The following GABRA2 variants were observed in gnomAD, a reference collection of about 807,000 sequenced individuals.
GABRA2 encodes gamma-aminobutyric acid receptor subunit alpha-2.
GABRA2 carries 16 observed loss-of-function variants against 48.7 expected under a neutral mutation model. The observed-to-expected ratio is 0.33, with a 90% CI of 0.22 to 0.50. The LOEUF is 0.50. Among genes scored for constraint, GABRA2 ranks in the 20% least tolerant of loss-of-function variants. The pLI, the probability that GABRA2 is intolerant of heterozygous loss-of-function variation, is 0.98. For missense variants in GABRA2, 275 were observed against 535.6 expected (o/e 0.51, Z 4.80); for synonymous variants, 185 against 184.5 (o/e 1.00, Z -0.02).
chr4:46,264,035 T>C (rs541773407), intron 8 of GABRA2, among the ~76,000 whole-genome samples: 1 of 152,080 alleles, frequency 6.6e-6, no homozygotes, highest in African/African-American at 2.4e-5. Flanking sequence ...GTATAAGTCT[T>C]TCATCTCCTT....
At chr4:46,326,729 T>C (rs1730446703) in intron 4 of GABRA2, among the ~76,000 whole-genome samples, 1 of 151,926 alleles carries the variant, frequency 6.6e-6, no homozygotes, top group South Asian at 2.1e-4. Context: ...CAACCACCAT[T>C]AGATGGCCCC....
rs202075718 is a variant in GABRA2 at position 46,389,741 on chromosome 4, C to A, written c.-17G>T. Reference sequence around the variant, plus strand: ...CCAACGTGTGCGACCCTACCTGAAACGGCAAGCAGAATTCGGTGTTTTCTT... The same window carrying A: ...CCAACGTGTGCGACCCTACCTGAAAAGGCAAGCAGAATTCGGTGTTTTCTT... On this transcript the variant is annotated 5_prime_UTR_variant, in exon 1 of 10. Transcript: ENST00000381620. The A allele has an allele frequency of 1.7e-5, 17 of 977,026 alleles. No homozygotes were observed. The highest frequency in any genetic ancestry group is 1.2e-4 in the East Asian group (1 of 8,202). 60.5% of individuals were successfully genotyped at this position (977,026 alleles called of 1,614,324 possible).
intron 3 of GABRA2, among the ~76,000 whole-genome samples, chr4:46,337,946 T>C (rs1021182128): frequency 2.0e-5 from 3 of 152,010 alleles, no homozygotes; most frequent in South Asian, 2.1e-4. Context: ...CTGGATAATA[T>C]AACACACAAT....
At chr4:46,353,733 T>C (rs1735527602) in intron 3 of GABRA2, among the ~76,000 whole-genome samples, 1 of 152,148 alleles carries the variant, frequency 6.6e-6, no homozygotes, top group Non-Finnish European at 1.5e-5. Context: ...TCAATGAGGC[T>C]AATATTAACA....
chr4:46,387,399 G>A (rs1174373224), intron 2 of GABRA2, among the ~76,000 whole-genome samples: 1 of 152,110 alleles, frequency 6.6e-6, no homozygotes, highest in African/African-American at 2.4e-5. Context: ...GCTATAAATA[G>A]TCACAATACA....
intron 9 of GABRA2, among the ~76,000 whole-genome samples, chr4:46,253,315 C>A (rs2109389973): frequency 6.6e-6 from 1 of 151,422 alleles, no homozygotes; most frequent in African/African-American, 2.4e-5. Flanking sequence ...AACTCTAGAG[C>A]AGAGGGACTA....
At chr4:46,256,473 T>A (rs1173811934) in intron 9 of GABRA2, 3 of 396,326 alleles carry the variant, frequency 7.6e-6, no homozygotes, top group Non-Finnish European at 1.3e-5. Context: ...AAAAAAAAAA[T>A]AAAACATTTG....
chr4:46,278,442 C>T (rs1206312116), intron 8 of GABRA2, among the ~76,000 whole-genome samples: 1 of 152,050 alleles, frequency 6.6e-6, no homozygotes, highest in Non-Finnish European at 1.5e-5. Context: ...CATAAGCTTC[C>T]TTCATTCCTG....
At chr4:46,323,640 A>G (rs1336886439) in intron 4 of GABRA2, among the ~76,000 whole-genome samples, 1 of 151,846 alleles carries the variant, frequency 6.6e-6, no homozygotes, top group Non-Finnish European at 1.5e-5. Context: ...GTTGAAATGT[A>G]CAGACACAAG....
intron 8 of GABRA2, among the ~76,000 whole-genome samples, chr4:46,268,667 T>C (rs983847877): frequency 6.6e-6 from 1 of 151,940 alleles, no homozygotes; most frequent in Non-Finnish European, 1.5e-5. Context: ...TACCATATGA[T>C]CCAGCAATCC....
At chr4:46,328,727 C>T (rs1578068109) in intron 4 of GABRA2, among the ~76,000 whole-genome samples, 1 of 152,038 alleles carries the variant, frequency 6.6e-6, no homozygotes, top group Non-Finnish European at 1.5e-5. Flanking sequence ...GCGCTGCACC[C>T]ACTAACTCGT....
At chr4:46,263,382 G>A (rs1348148159) in intron 8 of GABRA2, among the ~76,000 whole-genome samples, 1 of 151,806 alleles carries the variant, frequency 6.6e-6, no homozygotes, top group Non-Finnish European at 1.5e-5. Context: ...GTGAGTCTTT[G>A]GTCCATTTTG....
At chr4:46,273,895 C>T (rs907228257) in intron 8 of GABRA2, among the ~76,000 whole-genome samples, 5 of 151,942 alleles carry the variant, frequency 3.3e-5, no homozygotes, top group African/African-American at 7.2e-5. Flanking sequence ...GGCATGTTCC[C>T]GAGTTTAAGG....
chr4:46,297,529 T>C (rs1379170484), intron 8 of GABRA2, among the ~76,000 whole-genome samples: 1 of 105,852 alleles, frequency 9.4e-6, no homozygotes, highest in Non-Finnish European at 1.9e-5. Flanking sequence ...AGAACTGATA[T>C]ATACACTCTA....
intron 3 of GABRA2, among the ~76,000 whole-genome samples, chr4:46,375,480 TGAG>T (rs1375251972): frequency 3.3e-5 from 5 of 152,180 alleles, no homozygotes; most frequent in African/African-American, 1.2e-4. Context: ...AGAAGATAAT[TGAG>T]GAGAATCCGG....
At chr4:46,367,485 A>G (rs1439002159) in intron 3 of GABRA2, 1 of 152,114 alleles carries the variant, frequency 6.6e-6, no homozygotes, top group East Asian at 1.9e-4. Flanking sequence ...AACACTTCAA[A>G]GAGTATCTCT....
chr4:46,322,356 G>A (rs1045144224), intron 4 of GABRA2, among the ~76,000 whole-genome samples: 1 of 151,730 alleles, frequency 6.6e-6, no homozygotes, highest in African/African-American at 2.4e-5. Context: ...AAAGCCCTGG[G>A]GGTGAAGTAA....
intron 3 of GABRA2, among the ~76,000 whole-genome samples, chr4:46,335,257 C>T (rs1342652266): frequency 6.6e-6 from 1 of 152,102 alleles, no homozygotes; most frequent in Non-Finnish European, 1.5e-5. Flanking sequence ...GACTCTGATT[C>T]GTCAAGACAT....
intron 9 of GABRA2, among the ~76,000 whole-genome samples, chr4:46,252,859 C>A (rs769978754): frequency 2.4e-4 from 36 of 151,270 alleles, no homozygotes; most frequent in Non-Finnish European, 4.7e-4. Flanking sequence ...TGTAACTTGA[C>A]AAAAGGAAGA....
Sources: allele counts gnomAD v4.1 joint callset (sites outside exome capture counted in the v4.1 genomes callset), GRCh38; gene constraint gnomAD v4.1.1; transcripts MANE v1.5; gene names NCBI Gene and HGNC (gene_info 2026-07-23, HGNC 2026-07-21).